The following GALNT13 variants were observed in gnomAD, a reference collection of about 807,000 sequenced individuals.
The protein encoded by GALNT13 is UDP-GalNAc:polypeptide N-acetylgalactosaminyltransferase 13.
In GALNT13, 28 loss-of-function variants were observed where a neutral mutation model predicts 64.2. The ratio of observed to expected loss-of-function variants is 0.44; its 90% confidence interval spans 0.32 to 0.60. The LOEUF is 0.60. Among genes scored for constraint, GALNT13 ranks in the 20% least tolerant of loss-of-function variants. The probability of loss-of-function intolerance (pLI) is 0.05; values close to 1 mark genes in which losing one functional copy is unlikely to be tolerated. For synonymous variants in GALNT13, 214 were observed against 224.6 expected (o/e 0.95, Z 0.42); for missense variants, 577 against 669.8 (o/e 0.86, Z 1.53).
At position 153,925,765 on chromosome 2, in the gene GALNT13, G is replaced by A. The variant is rs565032227; in HGVS notation, c.-104-18629G>A. On this transcript the variant is annotated intron_variant, in intron 2 of 12. Transcript: ENST00000392825. ...GTGCTTTGTAGTTCCCCTTGAAGAG[G>A]TCCTTTATTTCCCTTGTCAGTTGTA... is the stretch of plus-strand genomic sequence containing the variant. Among the ~76,000 whole-genome samples the A allele has an allele frequency of 6.6e-5, 10 of 152,012 alleles. No individual in the cohort carries two copies. In the South Asian group the frequency reaches 2.1e-3, roughly 32 times the overall value.
At chr2:153,444,905 C>T in the GALNT13 span, among the ~76,000 whole-genome samples, 1 of 152,122 alleles carries the variant, frequency 6.6e-6, no homozygotes, top group African/African-American at 2.4e-5. Flanking sequence ...TATAGATTTA[C>T]AATTTATAAT....
chr2:153,541,126 C>T, the GALNT13 span, among the ~76,000 whole-genome samples: 3 of 152,028 alleles, frequency 2.0e-5, no homozygotes, highest in Non-Finnish European at 4.4e-5. Flanking sequence ...GGGAGGGACC[C>T]AGTGGGAGGT....
the GALNT13 span, among the ~76,000 whole-genome samples, chr2:153,689,820 G>A: frequency 6.6e-6 from 1 of 152,028 alleles, no homozygotes; most frequent in Admixed American, 6.6e-5. Flanking sequence ...TGTGAGGAGC[G>A]GGAATGGTGG....
intron 3 of GALNT13, among the ~76,000 whole-genome samples, chr2:153,947,267 C>A (rs565586963): frequency 6.6e-6 from 1 of 152,014 alleles, no homozygotes; most frequent in African/African-American, 2.4e-5. Flanking sequence ...CTCCCACCTG[C>A]CATGGAGCTT....
intron 9 of GALNT13, among the ~76,000 whole-genome samples, chr2:154,380,288 T>G (rs1276039166): frequency 6.6e-6 from 1 of 151,964 alleles, no homozygotes; most frequent in Admixed American, 6.6e-5. Flanking sequence ...CACCTGAAAT[T>G]TATACTCAGA....
At chr2:153,649,985 T>C in the GALNT13 span, among the ~76,000 whole-genome samples, 7 of 152,188 alleles carry the variant, frequency 4.6e-5, no homozygotes, top group Non-Finnish European at 1.0e-4. Context: ...TAGGTCTGCT[T>C]GGTGCCTAGC....
the GALNT13 span, among the ~76,000 whole-genome samples, chr2:153,227,025 C>A: frequency 6.6e-6 from 1 of 152,032 alleles, no homozygotes; most frequent in African/African-American, 2.4e-5. Context: ...GAGAGTGGGG[C>A]AATTCAAGCC....
chr2:153,289,189 C>T, the GALNT13 span, among the ~76,000 whole-genome samples: 2 of 152,156 alleles, frequency 1.3e-5, no homozygotes, highest in African/African-American at 2.4e-5. Context: ...TTTAATTAAG[C>T]TTCTAATCTG....
chr2:153,894,149 TCATTTTGC>T (rs1687739156), intron 1 of GALNT13, among the ~76,000 whole-genome samples: 1 of 151,862 alleles, frequency 6.6e-6, no homozygotes, highest in Non-Finnish European at 1.5e-5. Context: ...CTTGGAACAA[TCATTTTGC>T]CACTTCTTTA....
the GALNT13 span, among the ~76,000 whole-genome samples, chr2:153,787,579 A>T: frequency 3.3e-5 from 5 of 152,344 alleles, no homozygotes; most frequent in South Asian, 1.0e-3. Context: ...TCCAACAAGC[A>T]TTCTTAACTA....
chr2:153,677,856 C>A, the GALNT13 span, among the ~76,000 whole-genome samples: 1 of 152,034 alleles, frequency 6.6e-6, no homozygotes, highest in African/African-American at 2.4e-5. Context: ...TGGACCCGTT[C>A]CTTTTGCCTT....
intron 3 of GALNT13, among the ~76,000 whole-genome samples, chr2:154,049,941 A>C (rs1313921985): frequency 6.6e-6 from 1 of 152,118 alleles, no homozygotes; most frequent in Non-Finnish European, 1.5e-5. Context: ...AGTCCTTCCA[A>C]AATCACAATA....
chr2:154,114,194 C>T (rs567659848), intron 3 of GALNT13, among the ~76,000 whole-genome samples: 1 of 152,276 alleles, frequency 6.6e-6, no homozygotes, highest in African/African-American at 2.4e-5. Context: ...GTAGAGGCAG[C>T]TCTAATAGCT....
chr2:153,826,673 C>T, the GALNT13 span, among the ~76,000 whole-genome samples: 2 of 139,300 alleles, frequency 1.4e-5, no homozygotes, highest in African/African-American at 2.6e-5. Context: ...TTTTAATGGC[C>T]CCTATAGCTA....
intron 11 of GALNT13, among the ~76,000 whole-genome samples, chr2:154,425,161 T>A (rs1700418120): frequency 6.6e-6 from 1 of 152,222 alleles, no homozygotes; most frequent in East Asian, 1.9e-4. Context: ...TCTAATTACA[T>A]GCCTGAATAT....
At chr2:153,981,516 C>T (rs1024022656) in intron 3 of GALNT13, among the ~76,000 whole-genome samples, 2 of 152,004 alleles carry the variant, frequency 1.3e-5, no homozygotes, top group African/African-American at 4.8e-5. Context: ...TGGTTTCCAG[C>T]TTCATCCATG....
chr2:154,162,214 T>A lies in GALNT13; in HGVS notation c.311+21709T>A, dbSNP rs567674496. On this transcript the variant is annotated intron_variant, in intron 4 of 12. Coordinates refer to ENST00000392825, the MANE Select transcript of GALNT13 (RefSeq NM_052917.4). ...CACTGGAATGTGGTAAAAAAGAAATTGTTGTTGATAAAAGAACCACCAACT... is the reference window on the plus strand; with the variant it reads ...CACTGGAATGTGGTAAAAAAGAAATAGTTGTTGATAAAAGAACCACCAACT... 3.9e-5 allele frequency among the ~76,000 whole-genome samples: 6 copies of A among 152,320 alleles called. No individual in the cohort carries two copies. In the South Asian group the frequency reaches 1.2e-3, roughly 32 times the overall value.
chr2:153,127,425 C>T, the GALNT13 span, among the ~76,000 whole-genome samples: 1 of 152,130 alleles, frequency 6.6e-6, no homozygotes, highest in African/African-American at 2.4e-5. Flanking sequence ...AAGAAGATGA[C>T]TACAGTTTTT....
chr2:153,152,625 T>C, the GALNT13 span, among the ~76,000 whole-genome samples: 21 of 151,936 alleles, frequency 1.4e-4, no homozygotes, highest in Admixed American at 1.4e-3. Context: ...GTTCTCATCA[T>C]TTAGCTCTCC....
Sources: gnomAD v4.1 joint callset for allele counts (sites outside exome capture counted in the v4.1 genomes callset) on GRCh38, gnomAD v4.1.1 for gene constraint, MANE v1.5 for transcripts, NCBI Gene and HGNC (gene_info 2026-07-23, HGNC 2026-07-21) for gene names.